Variants in HECW1 observed in about 807,000 individuals in gnomAD.
HECW1 encodes E3 ubiquitin-protein ligase HECW1.
HECW1 carries 61 observed loss-of-function variants against 182.3 expected under a neutral mutation model. The ratio of observed to expected loss-of-function variants is 0.33; its 90% confidence interval spans 0.27 to 0.41. The LOEUF is 0.41. HECW1 is among the 10% of genes least tolerant of loss of function. HECW1 has a pLI of 1.00. For synonymous variants in HECW1, 859 were observed against 832.6 expected (o/e 1.03, Z -0.55); for missense variants, 1,739 against 2,108.9 (o/e 0.82, Z 3.44).
At chr7:43,315,465 GTTATTATTATTA>G (rs58930495) in intron 4 of HECW1, among the ~76,000 whole-genome samples, 2 of 131,152 alleles carry the variant, frequency 1.5e-5, no homozygotes, top group Non-Finnish European at 3.0e-5. Context: ...CATTATTATT[GTTATTATTATTA>G]TTATTATTAT....
At chr7:43,540,060 A>T (rs970057061) in intron 24 of HECW1, among the ~76,000 whole-genome samples, 3 of 152,208 alleles carry the variant, frequency 2.0e-5, no homozygotes, top group Non-Finnish European at 4.4e-5. Context: ...ATGTTATTTC[A>T]TGGAAAAAGA....
chr7:43,243,858 G>A lies in HECW1; in HGVS notation c.-31-17G>A, dbSNP rs747086166. On this transcript the variant is annotated splice_polypyrimidine_tract_variant and intron_variant, in intron 2 of 29. Coordinates refer to ENST00000395891, the MANE Select transcript of HECW1 (RefSeq NM_015052.5). The surrounding 1 kb of genome is among the most constrained non-coding windows in gnomAD (Gnocchi z 4.0). ...TTGGGATACACGCTAAGTTAACCTCGTTGGACTTTTCCCCAGGAATTGATG... is the reference window on the plus strand; with the variant it reads ...TTGGGATACACGCTAAGTTAACCTCATTGGACTTTTCCCCAGGAATTGATG... 18 of 1,605,594 alleles carry A rather than the reference G, an allele frequency of 1.1e-5. No homozygotes were observed. Among genetic ancestry groups the A allele is most frequent in the Admixed American group, 3.3e-5 (2 of 60,000 alleles).
At chr7:43,508,943 T>C in intron 23 of HECW1, 26 bp from the exon 24 acceptor site, 1 of 1,610,226 alleles carries the variant, frequency 6.2e-7, no homozygotes. Context: ...CAGAATGAGC[T>C]TCCTGGACCT....
At chr7:43,360,098 CAG>C (rs1021648682) in intron 5 of HECW1, among the ~76,000 whole-genome samples, 28 of 152,256 alleles carry the variant, frequency 1.8e-4, no homozygotes, top group African/African-American at 6.5e-4. Context: ...CCTATTTTAA[CAG>C]GGGGTACAGG....
At chr7:43,292,178 A>G (rs1034264595) in intron 3 of HECW1, among the ~76,000 whole-genome samples, 4 of 152,364 alleles carry the variant, frequency 2.6e-5, no homozygotes, top group East Asian at 1.9e-4. Flanking sequence ...CCAAAGAGGC[A>G]TATTTTGGGG....
intron 5 of HECW1, among the ~76,000 whole-genome samples, chr7:43,336,089 CTCTT>C (rs1162073305): frequency 1.4e-4 from 20 of 141,564 alleles, no homozygotes; most frequent in African/African-American, 3.0e-4. Flanking sequence ...TTCTTTCTTT[CTCTT>C]TCTTTCTTTC....
intron 3 of HECW1, among the ~76,000 whole-genome samples, chr7:43,304,926 AT>A (rs761681659): frequency 6.6e-6 from 1 of 152,240 alleles, no homozygotes; most frequent in Non-Finnish European, 1.5e-5. Flanking sequence ...CTGACAAAAA[AT>A]AAGTTGACAG....
chr7:43,162,056 G>C (rs1790592359), intron 2 of HECW1, among the ~76,000 whole-genome samples: 1 of 152,202 alleles, frequency 6.6e-6, no homozygotes, highest in African/African-American at 2.4e-5. Flanking sequence ...TCACGTTAAT[G>C]AACACCATAA....
intron 2 of HECW1, among the ~76,000 whole-genome samples, chr7:43,185,760 G>A (rs1428925176): frequency 3.3e-5 from 5 of 152,206 alleles, no homozygotes; most frequent in South Asian, 2.1e-4. Context: ...ACAGATGACT[G>A]TATAATATAG....
intron 26 of HECW1, among the ~76,000 whole-genome samples, chr7:43,546,953 A>G (rs2081589733): frequency 6.6e-6 from 1 of 152,138 alleles, no homozygotes; most frequent in Admixed American, 6.5e-5. Context: ...TTTCGCCTGC[A>G]TTAAAAACCT....
chr7:43,508,753 G>A (rs1263717985), intron 23 of HECW1: 1 of 555,054 alleles, frequency 1.8e-6, no homozygotes, highest in East Asian at 2.9e-5. Flanking sequence ...GTTTATTCAT[G>A]GACATCTGGT....
chr7:43,399,292 G>A (rs987456241), intron 7 of HECW1, among the ~76,000 whole-genome samples: 2 of 152,308 alleles, frequency 1.3e-5, no homozygotes, highest in Admixed American at 6.5e-5. Flanking sequence ...TAGGTTAGAC[G>A]CAAGATGGAG....
intron 24 of HECW1, among the ~76,000 whole-genome samples, chr7:43,513,682 G>GT (rs1260329280): frequency 1.1e-3 from 171 of 151,166 alleles, no homozygotes; most frequent in Admixed American, 7.1e-3. Context: ...GTGGGTTTTG[G>GT]TTTTTTTTTG....
intron 24 of HECW1, among the ~76,000 whole-genome samples, chr7:43,521,273 A>C (rs2080461077): frequency 6.6e-6 from 1 of 152,172 alleles, no homozygotes; most frequent in Non-Finnish European, 1.5e-5. Context: ...TGAGAGAGTG[A>C]GTTTGCCCAC....
intron 2 of HECW1, among the ~76,000 whole-genome samples, chr7:43,175,844 C>T (rs527809010): frequency 3.3e-5 from 5 of 152,274 alleles, no homozygotes; most frequent in African/African-American, 1.2e-4. Flanking sequence ...TTCCTTCTCA[C>T]AGGCGCACCT....
intron 4 of HECW1, among the ~76,000 whole-genome samples, chr7:43,317,811 G>T (rs1331716569): frequency 2.8e-5 from 2 of 70,480 alleles, no homozygotes; most frequent in Middle Eastern, 7.2e-3. Context: ...TCTCATTATT[G>T]TGTGTGTGTG....
chr7:43,550,594 G>A lies in HECW1; in HGVS notation c.4395+3G>A, dbSNP rs773466258. The A allele has an allele frequency of 1.3e-5, 21 of 1,595,658 alleles. No individual in the cohort carries two copies. The Admixed American group carries it at 2.1e-4, about 16-fold the overall frequency. On this transcript the variant is annotated splice_donor_region_variant and intron_variant, in intron 27 of 29. Coordinates refer to ENST00000395891, the MANE Select transcript of HECW1 (RefSeq NM_015052.5). ...CGCTGGTGCGCGGCTTCTACGAGGT[G>A]AGGCCCGGTGGCCTGGGGAAGGCAA...
At chr7:43,543,326 G>A (rs759049919) in intron 26 of HECW1, among the ~76,000 whole-genome samples, 30 of 152,292 alleles carry the variant, frequency 2.0e-4, no homozygotes, top group South Asian at 8.3e-4. Flanking sequence ...ACCAAGCACC[G>A]CATCCCAGTC....
chr7:43,403,428 G>T (rs950390682), intron 7 of HECW1, among the ~76,000 whole-genome samples: 6 of 152,170 alleles, frequency 3.9e-5, no homozygotes, highest in African/African-American at 1.4e-4. Flanking sequence ...TTCGTCTGGT[G>T]CTGTCTCCTG....
Sources: allele counts gnomAD v4.1 joint callset (sites outside exome capture counted in the v4.1 genomes callset), GRCh38; gene constraint gnomAD v4.1.1; non-coding constraint Gnocchi (gnomAD v3.1); transcripts MANE v1.5; gene names NCBI Gene and HGNC (gene_info 2026-07-23, HGNC 2026-07-21).